PLCB1: variants seen among roughly 807,000 people sequenced by gnomAD.
The protein encoded by PLCB1 is phospholipase C beta 1.
PLCB1 carries 46 observed loss-of-function variants against 161.8 expected under a neutral mutation model. That is an observed-to-expected ratio of 0.28 (90% CI 0.22 to 0.36). The LOEUF is 0.36. Ranked by LOEUF, PLCB1 falls within the 10% of genes least tolerant of loss-of-function variation. The pLI, the probability that PLCB1 is intolerant of heterozygous loss-of-function variation, is 1.00. For missense variants in PLCB1, 1,016 were observed against 1,472.5 expected (o/e 0.69, Z 5.07); for synonymous variants, 517 against 503.7 (o/e 1.03, Z -0.35).
chr20:8,245,265 A>G (rs1410762482), intron 2 of PLCB1, among the ~76,000 whole-genome samples: 1 of 151,862 alleles, frequency 6.6e-6, no homozygotes, highest in Non-Finnish European at 1.5e-5. Context: ...ATGTAAGCTC[A>G]TATAATAAGG....
chr20:8,825,611 C>A (rs1394485398), intron 31 of PLCB1, among the ~76,000 whole-genome samples: 1 of 152,180 alleles, frequency 6.6e-6, no homozygotes, highest in African/African-American at 2.4e-5. Context: ...AGAAATGAAA[C>A]CCATAAAGCC....
chr20:8,376,724 C>T lies in PLCB1; in HGVS notation c.246+5274C>T, dbSNP rs546208787. 1.4e-4 allele frequency among the ~76,000 whole-genome samples: 21 copies of T among 152,078 alleles called. No individual in the cohort carries two copies. The South Asian group carries it at 2.1e-3, about 15-fold the overall frequency. On this transcript the variant is annotated intron_variant, in intron 3 of 31. Coordinates refer to ENST00000338037, the MANE Select transcript of PLCB1 (RefSeq NM_015192.4). ...CGGGCGGATCACGAGGTCAGGAGAT[C>T]GAGACCATCCTGGCTAACACAGTGA...
chr20:8,509,822 C>G (rs1983803560), intron 3 of PLCB1, among the ~76,000 whole-genome samples: 1 of 152,134 alleles, frequency 6.6e-6, no homozygotes, highest in Non-Finnish European at 1.5e-5. Context: ...CCTATGCTTC[C>G]TTCTGAAGTT....
chr20:8,626,703 C>T lies in PLCB1; in HGVS notation c.247-1591C>T, dbSNP rs541621321. On this transcript the variant is annotated intron_variant, in intron 3 of 31. Transcript: ENST00000338037. Reference sequence around the variant, plus strand: ...ATTTAAAACGTGTGATTTATAATTACAAGTTTCAGGTGATTTCTGAGAATG... The same window carrying T: ...ATTTAAAACGTGTGATTTATAATTATAAGTTTCAGGTGATTTCTGAGAATG... Among the ~76,000 whole-genome samples, 63 of 152,288 alleles carry T rather than the reference C, an allele frequency of 4.1e-4. 1 individual carries two copies. In the South Asian group the frequency reaches 0.013, roughly 32 times the overall value.
At position 8,875,269 on chromosome 20, in the gene PLCB1, A is replaced by C. The variant is rs566074382; in HGVS notation, c.3424-6353A>C. 2.7e-5 allele frequency among the ~76,000 whole-genome samples: 4 copies of C among 150,548 alleles called. No individual in the cohort carries two copies. In the East Asian group the frequency reaches 7.8e-4, roughly 29 times the overall value. ...TTGCTTAAAAAGGTCTCTGTACCCCATGATTATACAGTTATTCACAATCAC... is the reference window on the plus strand; with the variant it reads ...TTGCTTAAAAAGGTCTCTGTACCCCCTGATTATACAGTTATTCACAATCAC... On this transcript the variant is annotated intron_variant, in intron 31 of 31. Transcript: ENST00000338037.
At chr20:8,498,192 G>A (rs1461600624) in intron 3 of PLCB1, among the ~76,000 whole-genome samples, 1 of 152,152 alleles carries the variant, frequency 6.6e-6, no homozygotes, top group East Asian at 1.9e-4. Context: ...CTGCCTCCCA[G>A]GATAAAGTGA....
At chr20:8,714,613 C>T (rs1283522795) in intron 12 of PLCB1, among the ~76,000 whole-genome samples, 1 of 152,172 alleles carries the variant, frequency 6.6e-6, no homozygotes, top group Non-Finnish European at 1.5e-5. Context: ...TTTCTTCTCT[C>T]CCTAATACTG....
intron 22 of PLCB1, 30 bp downstream of exon 22, chr20:8,740,478 C>G (rs1249045998): frequency 2.9e-5 from 35 of 1,202,408 alleles, no homozygotes; most frequent in Middle Eastern, 1.9e-4. Context: ...TACCACTTTA[C>G]TCAAAGGGGT....
chr20:8,235,456 T>C (rs1030793247), intron 2 of PLCB1, among the ~76,000 whole-genome samples: 1 of 152,092 alleles, frequency 6.6e-6, no homozygotes, highest in Non-Finnish European at 1.5e-5. Flanking sequence ...ATGATCATAC[T>C]GATAAGGCAA....
chr20:8,457,713 C>T (rs909610429), intron 3 of PLCB1, among the ~76,000 whole-genome samples: 71 of 86,012 alleles, frequency 8.3e-4, no homozygotes, highest in Admixed American at 5.1e-3. Context: ...AATGTGTGCG[C>T]GCACACACAC....
rs146590197 is a variant in PLCB1, at chr20:8,271,730, C to A, written c.178-99652C>A. 2.3e-3 allele frequency among the ~76,000 whole-genome samples: 352 copies of A among 152,158 alleles called. 1 individual carries two copies. Among genetic ancestry groups the A allele is most frequent in the African/African-American group, 8.1e-3 (336 of 41,536 alleles). ...AAGTATGTAAAATTAAAGCTTGAATCTCTTGGAACCAACCAAGACAGAAAT... is the reference window on the plus strand; with the variant it reads ...AAGTATGTAAAATTAAAGCTTGAATATCTTGGAACCAACCAAGACAGAAAT... On this transcript the variant is annotated intron_variant, in intron 2 of 31. Transcript: ENST00000338037.
chr20:8,255,146 C>CA (rs1411022800), intron 2 of PLCB1, among the ~76,000 whole-genome samples: 1 of 152,040 alleles, frequency 6.6e-6, no homozygotes, highest in African/African-American at 2.4e-5. Context: ...CAGTGTTTTT[C>CA]AAACTAGTGG....
intron 2 of PLCB1, among the ~76,000 whole-genome samples, chr20:8,287,952 G>A (rs1486532985): frequency 6.6e-6 from 1 of 152,134 alleles, no homozygotes; most frequent in Non-Finnish European, 1.5e-5. Context: ...AATATATTTG[G>A]CAGCAGCTTA....
chr20:8,438,059 C>A (rs905662220), intron 3 of PLCB1, among the ~76,000 whole-genome samples: 2 of 151,904 alleles, frequency 1.3e-5, no homozygotes, highest in Non-Finnish European at 2.9e-5. Flanking sequence ...AAATTTATAT[C>A]TTCATATATG....
chr20:8,782,057 C>G (rs1983267126), intron 27 of PLCB1, among the ~76,000 whole-genome samples: 2 of 152,054 alleles, frequency 1.3e-5, no homozygotes, highest in Admixed American at 1.3e-4. Flanking sequence ...AAAAAAATTT[C>G]AAAGATTATT....
intron 19 of PLCB1, among the ~76,000 whole-genome samples, chr20:8,735,151 C>T (rs1409350146): frequency 2.6e-5 from 4 of 152,186 alleles, no homozygotes. Context: ...TAGAATGCTA[C>T]TTTTAGAATC....
rs117163912 is a variant in PLCB1, at chr20:8,711,178, T to G, written c.1250+2426T>G. Among the ~76,000 whole-genome samples, 96 of 152,344 alleles carry G rather than the reference T, an allele frequency of 6.3e-4. 1 individual carries two copies. The East Asian group carries it at 0.012, about 18-fold the overall frequency. Reference sequence around the variant, plus strand: ...AGATGGGATTCCAATCCAGTTAGTGTGGCTTCAAAATGCACACTTTTAACC... The same window carrying G: ...AGATGGGATTCCAATCCAGTTAGTGGGGCTTCAAAATGCACACTTTTAACC... On this transcript the variant is annotated intron_variant, in intron 12 of 31. Transcript: ENST00000338037.
At chr20:8,358,119 C>T (rs1225266704) in intron 2 of PLCB1, among the ~76,000 whole-genome samples, 1 of 152,224 alleles carries the variant, frequency 6.6e-6, no homozygotes, top group Non-Finnish European at 1.5e-5. Flanking sequence ...TGTTATTTCT[C>T]CATCTTGCCC....
intron 3 of PLCB1, among the ~76,000 whole-genome samples, chr20:8,485,657 C>T (rs559052407): frequency 6.6e-6 from 1 of 152,340 alleles, no homozygotes; most frequent in East Asian, 1.9e-4. Context: ...TGAACTTGGG[C>T]ATGAATGAGC....
Sources: allele counts gnomAD v4.1 joint callset (sites outside exome capture counted in the v4.1 genomes callset), GRCh38; gene constraint gnomAD v4.1.1; transcripts MANE v1.5; gene names NCBI Gene and HGNC (gene_info 2026-07-23, HGNC 2026-07-21).